The following DLST variants were observed in gnomAD, a reference collection of about 807,000 sequenced individuals.
The protein encoded by DLST is dihydrolipoyllysine-residue succinyltransferase component of 2-oxoglutarate dehydrogenase complex, mitochondrial.
A neutral mutation model predicts 53.1 loss-of-function variants in DLST; 17 were observed. That is an observed-to-expected ratio of 0.32 (90% CI 0.22 to 0.48). The LOEUF (loss-of-function observed/expected upper bound fraction) is 0.48. DLST is among the 20% of genes least tolerant of loss of function. The pLI, the probability that DLST is intolerant of heterozygous loss-of-function variation, is 0.99. For synonymous variants in DLST, 206 were observed against 204.8 expected, an observed-to-expected ratio of 1.01 and a Z score of -0.05; for missense variants, 512 against 583.9, an observed-to-expected ratio of 0.88 and a Z score of 1.27.
chr14:74,894,264 G>A, intron 9 of DLST, 48 bp from the exon 10 acceptor site: 1 of 1,607,198 alleles, frequency 6.2e-7, no homozygotes, highest in Middle Eastern at 1.7e-4. Context: ...GGGAATGCTT[G>A]ACCCAGAGAG....
In DLST at chr14:74,882,092, GGCGCGGC is replaced by G. The variant is rs1032881833; in HGVS notation, c.63+81_63+87del. On this transcript the variant is annotated intron_variant, in intron 1 of 14. Transcript: ENST00000334220. ...GCAGAGAGGCGGCCTGGAAGGCAGG[GGCGCGGC>G]GCGCCGGCCGGGCCGGGCACCAAGG... 12 of 1,326,806 alleles carry G rather than the reference GGCGCGGC, an allele frequency of 9.0e-6. 1 individual carries two copies. The highest frequency in any genetic ancestry group is 1.2e-5 in the Non-Finnish European group (12 of 1,026,856). 82.2% of individuals were successfully genotyped at this position (1,326,806 alleles called of 1,614,324 possible).
chr14:74,902,542 G>T lies in DLST; in HGVS notation c.*212G>T. Reference sequence around the variant, plus strand: ...CTCTCTGCACCTGTCTCATAGCCTCGAATATCTTAATTCCTTAGGCTTAAG... The same window carrying T: ...CTCTCTGCACCTGTCTCATAGCCTCTAATATCTTAATTCCTTAGGCTTAAG... On this transcript the variant is annotated 3_prime_UTR_variant, in exon 15 of 15. Transcript: ENST00000334220. The T allele has an allele frequency of 4.3e-6, 2 of 463,620 alleles. No individual in the cohort carries two copies. Among genetic ancestry groups the T allele is most frequent in the Non-Finnish European group, 3.8e-6 (1 of 265,512 alleles). The allele number at this position is 463,620 out of a possible 1,614,324, so 28.7% of individuals were successfully genotyped here.
chr14:74,890,524 C>G (rs1230884983), intron 6 of DLST, among the ~76,000 whole-genome samples: 1 of 152,134 alleles, frequency 6.6e-6, no homozygotes, highest in African/African-American at 2.4e-5. Flanking sequence ...TAAGCTGTTT[C>G]CACTTTTTCC....
chr14:74,887,831 A>AT (rs1279749795), intron 3 of DLST, among the ~76,000 whole-genome samples: 1 of 152,088 alleles, frequency 6.6e-6, no homozygotes, highest in African/African-American at 2.4e-5. Context: ...AAATATCTTC[A>AT]TTTTTTCTTG....
chr14:74,896,808 T>C (rs963643096), intron 10 of DLST, among the ~76,000 whole-genome samples: 5 of 152,250 alleles, frequency 3.3e-5, no homozygotes, highest in African/African-American at 1.2e-4. Flanking sequence ...TTTGTGGCCC[T>C]GAAAGATGCA....
intron 13 of DLST, 149 bp downstream of exon 13, chr14:74,900,521 T>A (rs1884211497): frequency 4.6e-6 from 3 of 655,188 alleles, no homozygotes. Flanking sequence ...GTATTTTATA[T>A]ATCTGGTGGA....
chr14:74,899,177 C>T (rs1292184378), intron 11 of DLST, among the ~76,000 whole-genome samples: 1 of 151,978 alleles, frequency 6.6e-6, no homozygotes, highest in Non-Finnish European at 1.5e-5. Flanking sequence ...TTGTTTTGCC[C>T]AAATGTATAC....
chr14:74,893,781 A>T (rs112476665), intron 9 of DLST, among the ~76,000 whole-genome samples: 2 of 152,280 alleles, frequency 1.3e-5, no homozygotes, highest in African/African-American at 4.8e-5. Context: ...TACTTCTGGG[A>T]TACTTAGCTG....
At chr14:74,901,298 G>A (rs1488725809) in intron 14 of DLST, 65 bp downstream of exon 14, 8 of 1,462,274 alleles carry the variant, frequency 5.5e-6, no homozygotes, top group Non-Finnish European at 6.6e-6. Context: ...CCAACTAAAT[G>A]CTAATTGTAA....
At chr14:74,889,444 C>T in intron 5 of DLST, 95 bp downstream of exon 5, 1 of 977,254 alleles carries the variant, frequency 1.0e-6, no homozygotes. Flanking sequence ...TCTCGGCTCA[C>T]TGCAGCCTCT....
At chr14:74,893,236 T>C in intron 8 of DLST, 112 bp from the exon 9 acceptor site, 1 of 1,252,620 alleles carries the variant, frequency 8.0e-7, no homozygotes. Flanking sequence ...GATACTAATA[T>C]ACCTCAGAAT....
In DLST at chr14:74,900,233, T is replaced by A. The variant is rs188531737; in HGVS notation, c.976-56T>A. ...CCATGGGTTGAATCAAGGGAGTTGT[T>A]AACTATAAAAGGTACTATTAATTTG... is the stretch of plus-strand genomic sequence containing the variant. On this transcript the variant is annotated intron_variant, in intron 12 of 14. Coordinates refer to ENST00000334220, the MANE Select transcript of DLST (RefSeq NM_001933.5). 1.8e-5 allele frequency: 28 copies of A among 1,517,406 alleles called. No individual in the cohort carries two copies. In the Admixed American group the frequency reaches 3.2e-4, roughly 17 times the overall value. The allele number at this position is 1,517,406 out of a possible 1,614,324, so 94.0% of individuals were successfully genotyped here. A position where few individuals can be genotyped will look rare whatever the true frequency, so the allele number is the denominator to read the frequency against.
At chr14:74,891,526 T>C (rs1594876132) in intron 7 of DLST, 1 of 998,226 alleles carries the variant, frequency 1.0e-6, no homozygotes, top group Non-Finnish European at 1.2e-6. Context: ...TTCAAAACTT[T>C]TTGAGCACTG....
chr14:74,888,281 T>G (rs1226474077), intron 3 of DLST, among the ~76,000 whole-genome samples: 4 of 151,828 alleles, frequency 2.6e-5, no homozygotes, highest in African/African-American at 4.8e-5. Context: ...TGGGTTTTTT[T>G]TTTTTTTTTT....
intron 3 of DLST, among the ~76,000 whole-genome samples, chr14:74,888,535 A>G (rs1354095895): frequency 5.3e-5 from 8 of 151,964 alleles, no homozygotes; most frequent in Admixed American, 2.0e-4. Flanking sequence ...AATGAAATCC[A>G]TAGTCTACAA....
intron 3 of DLST, among the ~76,000 whole-genome samples, chr14:74,887,565 T>G (rs1883750249): frequency 6.6e-6 from 1 of 152,356 alleles, no homozygotes; most frequent in East Asian, 1.9e-4. Context: ...TTTGGTTTTA[T>G]GTTTTTACTA....
intron 3 of DLST, among the ~76,000 whole-genome samples, chr14:74,888,208 T>C (rs1027886676): frequency 1.3e-5 from 2 of 152,206 alleles, no homozygotes; most frequent in South Asian, 4.1e-4. Context: ...TGATGTGCTG[T>C]TTTCTAGCAA....
chr14:74,881,962 C>T lies in DLST; in HGVS notation c.9C>T (p.Ser3=), dbSNP rs1883527090. ...TCGGCTCCTCCGCCGTGATGCTGTC[C>T]CGATCCCGCTGTGTGTCTCGGGCGT... ML[S]RSRCVSRAFS... Residue 3 remains serine, a synonymous_variant, in exon 1 of 15, where the codon TCC becomes TCT. Transcript: ENST00000334220. The T allele has an allele frequency of 3.2e-6, 5 of 1,566,828 alleles. No individual in the cohort carries two copies. Among genetic ancestry groups the T allele is most frequent in the Non-Finnish European group, 4.3e-6 (5 of 1,164,170 alleles).
intron 5 of DLST, 151 bp from the exon 6 acceptor site, chr14:74,889,746 G>T: frequency 1.4e-6 from 1 of 703,290 alleles, no homozygotes; most frequent in Non-Finnish European, 2.4e-6. Flanking sequence ...GATAGTTGTA[G>T]AATTTATAGC....
Sources: allele counts gnomAD v4.1 joint callset (sites outside exome capture counted in the v4.1 genomes callset), GRCh38; gene constraint gnomAD v4.1.1; transcripts MANE v1.5; gene names NCBI Gene and HGNC (gene_info 2026-07-23, HGNC 2026-07-21).